PCDHA1: variants seen among roughly 807,000 people sequenced by gnomAD.
PCDHA1 encodes the protein protocadherin alpha 1, also known as protocadherin alpha-1.
A neutral mutation model predicts 61.3 loss-of-function variants in PCDHA1; 42 were observed. The ratio of observed to expected loss-of-function variants is 0.69; its 90% CI spans 0.54 to 0.89. The LOEUF is 0.89. Among genes scored for constraint, PCDHA1 ranks in the 40% least tolerant of loss-of-function variants. PCDHA1 has a pLI of 0.00. For missense variants in PCDHA1, 1,256 were observed against 1,235.3 expected (o/e 1.02, Z -0.25); for synonymous variants, 610 against 553.8 (o/e 1.10, Z -1.43).
At chr5:140,883,329 C>T (rs1554177701) in intron 1 of PCDHA1, 1 of 1,614,166 alleles carries the variant, frequency 6.2e-7, no homozygotes. Context: ...ACCATCACTT[C>T]TTTGTCACTC....
chr5:140,869,945 T>C lies in PCDHA1; in HGVS notation c.2394+81261T>C, dbSNP rs528075021. On this transcript the variant is annotated intron_variant, in intron 1 of 3. Transcript: ENST00000504120. ...GTCAATGGAGAGGTAACATACTCCTTAATGTCAATTAAGCCCAATGGAAGA... is the reference window on the plus strand; with the variant it reads ...GTCAATGGAGAGGTAACATACTCCTCAATGTCAATTAAGCCCAATGGAAGA... 8 of 1,612,376 alleles carry C rather than the reference T, an allele frequency of 5.0e-6. No individual in the cohort carries two copies. The African/African-American group carries it at 8.0e-5, about 16-fold the overall frequency.
At chr5:140,882,141 A>G in intron 1 of PCDHA1, 3 of 1,491,636 alleles carry the variant, frequency 2.0e-6, no homozygotes, top group South Asian at 1.4e-5. Flanking sequence ...CAGAAAATAT[A>G]GCAGAAAGCG....
At chr5:140,941,194 T>TTTCTTC (rs2092780236) in intron 1 of PCDHA1, among the ~76,000 whole-genome samples, 5 of 112,438 alleles carry the variant, frequency 4.4e-5, no homozygotes, top group African/African-American at 1.8e-4. Flanking sequence ...TCTTTTTTTT[T>TTTCTTC]CTTTCTTCCT....
intron 1 of PCDHA1, among the ~76,000 whole-genome samples, chr5:140,964,804 G>A (rs1484818069): frequency 6.6e-6 from 1 of 152,012 alleles, no homozygotes; most frequent in African/African-American, 2.4e-5. Context: ...CAAGAAAGGA[G>A]ACAGGAATAG....
chr5:140,966,641 A>T, intron 1 of PCDHA1: 1 of 1,104,530 alleles, frequency 9.1e-7, no homozygotes, highest in South Asian at 2.2e-5. Flanking sequence ...GGCGCTTTCT[A>T]GAGCGTGAGC....
intron 1 of PCDHA1, chr5:140,884,056 G>T (rs782776341): frequency 6.2e-7 from 1 of 1,613,358 alleles, no homozygotes; most frequent in Non-Finnish European, 8.5e-7. Flanking sequence ...AGGTGCGCGC[G>T]GTGGACGCCG....
At chr5:140,855,964 T>C in intron 1 of PCDHA1, 3 of 1,408,442 alleles carry the variant, frequency 2.1e-6, no homozygotes, top group Admixed American at 2.3e-5. Context: ...AAAAAATAGA[T>C]ATAAGAAATA....
intron 1 of PCDHA1, chr5:140,865,048 T>A (rs2048709545): frequency 1.3e-5 from 2 of 152,178 alleles, no homozygotes; most frequent in Admixed American, 1.3e-4. Flanking sequence ...AAAAATGTCA[T>A]TGTTTTTAAT....
intron 1 of PCDHA1, among the ~76,000 whole-genome samples, chr5:140,953,105 G>A (rs191289853): frequency 5.3e-5 from 8 of 152,214 alleles, no homozygotes; most frequent in Non-Finnish European, 1.2e-4. Flanking sequence ...ATGAGATTTG[G>A]GCAGGGACAC....
chr5:140,982,218 G>T, intron 2 of PCDHA1: 1 of 523,694 alleles, frequency 1.9e-6, no homozygotes, highest in South Asian at 3.9e-5. Flanking sequence ...GCCACATGGC[G>T]TTAATAAAAA....
intron 1 of PCDHA1, chr5:140,829,711 G>C (rs2150173108): frequency 2.5e-5 from 41 of 1,613,342 alleles, no homozygotes; most frequent in South Asian, 8.8e-5. Context: ...CGCGCGACGC[G>C]GGCGTGCCGC....
rs1386589487 is a variant in PCDHA1 at position 140,876,579 on chromosome 5, T to C, written c.2394+87895T>C. ...AGGATGCTCAGGTGGGTACCGTCAT[T>C]GCCCTGATTAGCGTGTCGGATCGTG... On this transcript the variant is annotated intron_variant, in intron 1 of 3. Coordinates refer to ENST00000504120, the MANE Select transcript of PCDHA1 (RefSeq NM_018900.4). 5 of 1,614,104 alleles carry C rather than the reference T, an allele frequency of 3.1e-6. No homozygotes were observed. In the African/African-American group the frequency reaches 5.3e-5, roughly 17 times the overall value.
intron 1 of PCDHA1, among the ~76,000 whole-genome samples, chr5:140,938,949 G>A (rs943956831): frequency 6.6e-6 from 1 of 152,028 alleles, no homozygotes; most frequent in Non-Finnish European, 1.5e-5. Flanking sequence ...TTCTTATAAT[G>A]CTCTAGTCGG....
At chr5:140,797,304 A>G in intron 1 of PCDHA1, 2 of 1,614,242 alleles carry the variant, frequency 1.2e-6, no homozygotes, top group South Asian at 1.1e-5. Flanking sequence ...CTCAAGGTCC[A>G]GACTCCGCAG....
chr5:140,927,582 G>A lies in PCDHA1; in HGVS notation c.2395-51367G>A, dbSNP rs1554204771. On this transcript the variant is annotated intron_variant, in intron 1 of 3. Transcript: ENST00000504120. ...TTGTGGTGGACACAAATGACAACGCGCCTGTATTTGAGCGCTCCGTATACC... is the reference window on the plus strand; with the variant it reads ...TTGTGGTGGACACAAATGACAACGCACCTGTATTTGAGCGCTCCGTATACC... 3.7e-6 allele frequency: 6 copies of A among 1,614,174 alleles called. No individual in the cohort carries two copies. In the East Asian group the frequency reaches 1.1e-4, roughly 30 times the overall value.
intron 1 of PCDHA1, chr5:140,857,097 T>A: frequency 6.3e-7 from 1 of 1,597,284 alleles, no homozygotes; most frequent in South Asian, 1.1e-5. Context: ...CCTGAGGTGA[T>A]TGTCACTTCT....
chr5:140,960,402 G>C (rs2095546836), intron 1 of PCDHA1, among the ~76,000 whole-genome samples: 1 of 152,026 alleles, frequency 6.6e-6, no homozygotes, highest in African/African-American at 2.4e-5. Flanking sequence ...GCAAGGGGGG[G>C]TGCCCAAAAA....
chr5:140,789,897 C>G (rs1554118484), intron 1 of PCDHA1, among the ~76,000 whole-genome samples: 1 of 152,064 alleles, frequency 6.6e-6, no homozygotes, highest in African/African-American at 2.4e-5. Context: ...CTTTACCTTT[C>G]CTAAAATGTT....
intron 1 of PCDHA1, among the ~76,000 whole-genome samples, chr5:140,872,172 T>G (rs912989922): frequency 6.6e-6 from 1 of 152,230 alleles, no homozygotes; most frequent in Non-Finnish European, 1.5e-5. Flanking sequence ...TTTCTTTTTT[T>G]TTTTTACAGT....
Sources: allele counts gnomAD v4.1 joint callset (sites outside exome capture counted in the v4.1 genomes callset), GRCh38; gene constraint gnomAD v4.1.1; transcripts MANE v1.5; gene names NCBI Gene and HGNC (gene_info 2026-07-23, HGNC 2026-07-21).